AKAP10: variants seen among roughly 807,000 people sequenced by gnomAD.
AKAP10 encodes A-kinase anchoring protein 10.
In AKAP10, 24 loss-of-function variants were observed where a neutral mutation model predicts 80.8. That is an observed-to-expected ratio of 0.30 (90% CI 0.22 to 0.42). The LOEUF (loss-of-function observed/expected upper bound fraction) is 0.42. AKAP10 is among the 10% of genes least tolerant of loss of function. The pLI is 1.00. For missense variants in AKAP10, 661 were observed against 794.9 expected, an observed-to-expected ratio of 0.83 and a Z score of 2.03; for synonymous variants, 291 against 277.7, an observed-to-expected ratio of 1.05 and a Z score of -0.48.
At chr17:19,920,001 A>AT in intron 12 of AKAP10, 35 bp downstream of exon 12, 1 of 1,550,582 alleles carries the variant, frequency 6.4e-7, no homozygotes, top group Non-Finnish European at 8.9e-7. Flanking sequence ...TAATGTGAGT[A>AT]AAGGCTTAAT....
intron 5 of AKAP10, among the ~76,000 whole-genome samples, chr17:19,946,816 C>A: frequency 6.6e-6 from 1 of 151,776 alleles, no homozygotes; most frequent in Non-Finnish European, 1.5e-5. Flanking sequence ...AATCAACTGG[C>A]AAAAAAAGGC....
At chr17:19,950,577 C>A (rs1022654158) in intron 4 of AKAP10, among the ~76,000 whole-genome samples, 3 of 152,250 alleles carry the variant, frequency 2.0e-5, no homozygotes, top group African/African-American at 7.2e-5. Context: ...TCCCGAGGTG[C>A]CAGGATTGCA....
intron 9 of AKAP10, among the ~76,000 whole-genome samples, chr17:19,935,027 C>A (rs1488491423): frequency 6.6e-6 from 1 of 151,984 alleles, no homozygotes; most frequent in Non-Finnish European, 1.5e-5. Flanking sequence ...ATCAATCAAT[C>A]AATCAATCAA....
Position 19,946,268 on chromosome 17 carries a change from TA to T in AKAP10, c.976+1138del, listed in dbSNP as rs1379371737. On this transcript the variant is annotated intron_variant, in intron 5 of 14. Coordinates refer to ENST00000225737, the MANE Select transcript of AKAP10 (RefSeq NM_007202.4). ...ATATATATATATATATATATATATA[TA>T]TATATATTTTTTTTTTTTTTTTTTT... Among the ~76,000 whole-genome samples, 211 of 31,692 alleles carry T rather than the reference TA, an allele frequency of 6.7e-3. 17 individuals are homozygous for T. Among genetic ancestry groups the T allele is most frequent in the African/African-American group, 0.018 (145 of 8,150 alleles). The allele number at this position is 31,692 out of a possible 152,430, so 20.8% of individuals were successfully genotyped here.
rs1343922009 is a variant in AKAP10, at chr17:19,920,078, T to C, written c.1792A>G (p.Ile598Val). 2 of 1,613,734 alleles carry C rather than the reference T, an allele frequency of 1.2e-6. No homozygotes were observed. The highest frequency in any genetic ancestry group is 1.7e-6 in the Non-Finnish European group (2 of 1,179,716). Residue 598 changes from isoleucine to valine, a missense_variant, in exon 12 of 15, where the codon ATC becomes GTC. Ile to Val is a conservative substitution (Grantham distance 29). Transcript: ENST00000225737. ...TCAGGTTCAGGCTCAGATTCTCGGA[T>C]GAATTGCCCCAAGTCACTGACTCTT... ...FGRVSDLGQF[I>V]RESEPEPDVR...
chr17:19,977,669 G>A lies in AKAP10; in HGVS notation c.11C>T (p.Ala4Val). The change falls in exon 1 of 15, where the codon GCC becomes GTC. Residue 4 changes from alanine to valine, a missense_variant. Ala to Val is a moderately conservative substitution (Grantham distance 64). Transcript: ENST00000225737. Reference sequence around the variant, plus strand: ...GGGGGACTGGCGCGGGGAGGGCCCGGCTCCCCTCATTCAGCAACCGGCCCG... The same window carrying A: ...GGGGGACTGGCGCGGGGAGGGCCCGACTCCCCTCATTCAGCAACCGGCCCG... MRG[A>V]GPSPRQSPRT... 1.6e-6 allele frequency: 2 copies of A among 1,234,984 alleles called. No homozygotes were observed. Among genetic ancestry groups the A allele is most frequent in the African/African-American group, 1.5e-5 (1 of 64,544 alleles). The allele number at this position is 1,234,984 out of a possible 1,614,324, so 76.5% of individuals were successfully genotyped here. A position where few individuals can be genotyped will look rare whatever the true frequency, so the allele number is the denominator to read the frequency against.
chr17:19,922,195 C>T (rs1180992127), intron 11 of AKAP10, among the ~76,000 whole-genome samples: 3 of 152,112 alleles, frequency 2.0e-5, no homozygotes, highest in Non-Finnish European at 2.9e-5. Context: ...GATCACTTGA[C>T]GTCAAGAATA....
chr17:19,912,936 A>T (rs1033284213), intron 12 of AKAP10, among the ~76,000 whole-genome samples: 2 of 151,804 alleles, frequency 1.3e-5, no homozygotes, highest in Non-Finnish European at 2.9e-5. Context: ...GTGATTCCTA[A>T]CAAATCACAG....
intron 1 of AKAP10, among the ~76,000 whole-genome samples, chr17:19,969,162 G>A (rs142651901): frequency 1.3e-4 from 20 of 152,244 alleles, no homozygotes; most frequent in African/African-American, 4.8e-4. Context: ...TGGCCAACAT[G>A]GTGAAACCCC....
chr17:19,953,521 C>T (rs955353558), intron 4 of AKAP10, among the ~76,000 whole-genome samples: 7 of 152,032 alleles, frequency 4.6e-5, no homozygotes, highest in Non-Finnish European at 1.5e-5. Flanking sequence ...AAAAACAAGA[C>T]ACAATTGCCA....
At chr17:19,911,576 C>T (rs979239975) in intron 12 of AKAP10, among the ~76,000 whole-genome samples, 1 of 151,910 alleles carries the variant, frequency 6.6e-6, no homozygotes, top group Non-Finnish European at 1.5e-5. Context: ...CGGTGGCTCA[C>T]GCCTGTAATT....
chr17:19,966,209 T>C (rs1439618849), intron 2 of AKAP10, among the ~76,000 whole-genome samples: 1 of 152,170 alleles, frequency 6.6e-6, no homozygotes, highest in Non-Finnish European at 1.5e-5. Context: ...AGAAGGTAGG[T>C]ATCAATCTTA....
intron 4 of AKAP10, among the ~76,000 whole-genome samples, chr17:19,956,532 G>T (rs1375263407): frequency 1.3e-5 from 2 of 152,130 alleles, no homozygotes; most frequent in Non-Finnish European, 2.9e-5. Flanking sequence ...TACAAAAAAT[G>T]ATCCATAGAA....
At chr17:19,941,277 G>A (rs1019332953) in intron 6 of AKAP10, among the ~76,000 whole-genome samples, 3 of 152,158 alleles carry the variant, frequency 2.0e-5, no homozygotes, top group African/African-American at 7.2e-5. Context: ...TTATTAGGCT[G>A]TAACTTCCTT....
At chr17:19,941,958 T>C (rs770918887) in intron 5 of AKAP10, 48 bp from the exon 6 acceptor site, 2 of 1,555,904 alleles carry the variant, frequency 1.3e-6, no homozygotes, top group Non-Finnish European at 1.8e-6. Flanking sequence ...ATTCAAACTA[T>C]GTATACACAC....
intron 2 of AKAP10, among the ~76,000 whole-genome samples, chr17:19,965,507 C>A (rs1166889029): frequency 6.6e-6 from 1 of 152,196 alleles, no homozygotes; most frequent in Non-Finnish European, 1.5e-5. Flanking sequence ...TTACAGCCTT[C>A]TATACCTTCA....
intron 10 of AKAP10, among the ~76,000 whole-genome samples, chr17:19,925,659 G>T (rs2042868465): frequency 7.0e-6 from 1 of 141,884 alleles, no homozygotes; most frequent in African/African-American, 2.5e-5. Context: ...TAAGTAATAG[G>T]TTAAGTAAAT....
At chr17:19,970,053 A>T (rs2043474930) in intron 1 of AKAP10, among the ~76,000 whole-genome samples, 1 of 152,120 alleles carries the variant, frequency 6.6e-6, no homozygotes, top group African/African-American at 2.4e-5. Context: ...GTTACTCCTA[A>T]ATTTATATCT....
At position 19,959,458 on chromosome 17, in the gene AKAP10, C is replaced by T. The variant is rs116719434; in HGVS notation, c.320-887G>A. 4.1e-3 allele frequency among the ~76,000 whole-genome samples: 623 copies of T among 152,214 alleles called. 4 individuals carry two copies. Among genetic ancestry groups the T allele is most frequent in the African/African-American group, 0.015 (605 of 41,540 alleles). On this transcript the variant is annotated intron_variant, in intron 3 of 14. Coordinates refer to ENST00000225737, the MANE Select transcript of AKAP10 (RefSeq NM_007202.4). ...CTGCATTATTTTCAGTCCAGTAATT[C>T]CACTTGTAGGCACTTATCCTGAGGG...
Sources: gnomAD v4.1 joint callset for allele counts (sites outside exome capture counted in the v4.1 genomes callset) on GRCh38, gnomAD v4.1.1 for gene constraint, MANE v1.5 for transcripts, NCBI Gene and HGNC (gene_info 2026-07-23, HGNC 2026-07-21) for gene names.